Variants in DPP6 observed in about 807,000 individuals in gnomAD.
The protein encoded by DPP6 is A-type potassium channel modulatory protein DPP6.
DPP6 carries 69 observed loss-of-function variants against 122.6 expected under a neutral mutation model. The ratio of observed to expected loss-of-function variants is 0.56; its 90% CI spans 0.46 to 0.69. The LOEUF is 0.69. Ranked by LOEUF, DPP6 falls within the 30% of genes least tolerant of loss-of-function variation. DPP6 has a pLI of 0.00. For synonymous variants in DPP6, 418 were observed against 433.1 expected, an observed-to-expected ratio of 0.97 and a Z score of 0.43; for missense variants, 928 against 1,116.9, an observed-to-expected ratio of 0.83 and a Z score of 2.41.
rs570423452 is a variant in DPP6, at chr7:154,208,964, G to A, written c.243+155901G>A. ...AATATCAAAGAAACACATGCACATGGACACACACACTCAGAGCATTTTACA... is the reference window on the plus strand; with the variant it reads ...AATATCAAAGAAACACATGCACATGAACACACACACTCAGAGCATTTTACA... On this transcript the variant is annotated intron_variant, in intron 1 of 25. Coordinates refer to ENST00000377770, the MANE Select transcript of DPP6 (RefSeq NM_130797.4). Among the ~76,000 whole-genome samples the A allele has an allele frequency of 5.3e-5, 8 of 152,158 alleles. No individual in the cohort carries two copies. In the South Asian group the frequency reaches 1.7e-3, roughly 32 times the overall value.
chr7:153,916,897 C>T (rs761316983), intron 1 of DPP6, among the ~76,000 whole-genome samples: 5 of 152,152 alleles, frequency 3.3e-5, no homozygotes, highest in Non-Finnish European at 5.9e-5. Context: ...CTATTACTTA[C>T]CTCAATGGCT....
At chr7:154,870,696 C>T (rs1278049858) in intron 18 of DPP6, among the ~76,000 whole-genome samples, 1 of 151,902 alleles carries the variant, frequency 6.6e-6, no homozygotes, top group Non-Finnish European at 1.5e-5. Flanking sequence ...GTCACGGTGG[C>T]TCACGCCTGT....
rs144087257 is a variant in DPP6 at position 154,497,718 on chromosome 7, A to G, written c.457+22681A>G. On this transcript the variant is annotated intron_variant, in intron 3 of 25. Coordinates refer to ENST00000377770, the MANE Select transcript of DPP6 (RefSeq NM_130797.4). ...AAATAAAAAATTTTGAAAATAGAATAAATGTATGCCCATTTTTTAAAATTG... is the reference window on the plus strand; with the variant it reads ...AAATAAAAAATTTTGAAAATAGAATGAATGTATGCCCATTTTTTAAAATTG... Among the ~76,000 whole-genome samples, 150 of 152,322 alleles carry G rather than the reference A, an allele frequency of 9.8e-4. 5 individuals are homozygous for G. The East Asian group carries it at 0.023, about 23-fold the overall frequency.
intron 1 of DPP6, among the ~76,000 whole-genome samples, chr7:154,295,635 C>A (rs1174585484): frequency 6.6e-6 from 1 of 152,024 alleles, no homozygotes; most frequent in African/African-American, 2.4e-5. Flanking sequence ...CCTTCACTTC[C>A]TTTTTCCTTA....
chr7:154,708,099 A>G (rs1045984722), intron 7 of DPP6, among the ~76,000 whole-genome samples: 2 of 152,220 alleles, frequency 1.3e-5, no homozygotes, highest in African/African-American at 4.8e-5. Context: ...CACAGATTGA[A>G]TGTTGTGTTC....
chr7:154,107,142 C>T lies in DPP6; in HGVS notation c.243+54079C>T, dbSNP rs368259963. Among the ~76,000 whole-genome samples the T allele has an allele frequency of 6.4e-3, 976 of 152,268 alleles. 19 individuals are homozygous for T. Among genetic ancestry groups the T allele is most frequent in the African/African-American group, 0.023 (946 of 41,562 alleles). On this transcript the variant is annotated intron_variant, in intron 1 of 25. Transcript: ENST00000377770. ...AAAGAGACATCTGCACTCCCATGCTCACTGCAGCACTGTTCTGGATGGCCA... is the reference window on the plus strand; with the variant it reads ...AAAGAGACATCTGCACTCCCATGCTTACTGCAGCACTGTTCTGGATGGCCA...
intron 1 of DPP6, among the ~76,000 whole-genome samples, chr7:154,296,965 A>G (rs2150972923): frequency 6.6e-6 from 1 of 152,270 alleles, no homozygotes; most frequent in African/African-American, 2.4e-5. Flanking sequence ...AAGGAGATAC[A>G]TGCTGACAAG....
chr7:153,974,067 G>A (rs1482692706), intron 1 of DPP6, among the ~76,000 whole-genome samples: 2 of 152,052 alleles, frequency 1.3e-5, no homozygotes, highest in South Asian at 2.1e-4. Flanking sequence ...ATCTGCAAAG[G>A]ATCGGGCACA....
intron 16 of DPP6, among the ~76,000 whole-genome samples, chr7:154,816,671 T>G (rs1799446256): frequency 6.6e-6 from 1 of 152,236 alleles, no homozygotes; most frequent in Non-Finnish European, 1.5e-5. Flanking sequence ...TTCTTACACA[T>G]CCACTTGCTA....
intron 7 of DPP6, among the ~76,000 whole-genome samples, chr7:154,696,243 G>T (rs1018715179): frequency 1.3e-5 from 2 of 152,206 alleles, no homozygotes; most frequent in African/African-American, 4.8e-5. Flanking sequence ...AGCCACCCGG[G>T]CCCCTGGGTG....
At chr7:153,878,561 C>T in the DPP6 span, among the ~76,000 whole-genome samples, 1 of 152,122 alleles carries the variant, frequency 6.6e-6, no homozygotes, top group African/African-American at 2.4e-5. Context: ...GTTCAGAAGT[C>T]TCCCCAGCTA....
rs11978107 is a variant in DPP6, at chr7:153,984,276, G to A, written c.51+96542G>A. Among the ~76,000 whole-genome samples the A allele has an allele frequency of 1.8e-3, 270 of 152,178 alleles. 1 individual carries two copies. The highest frequency in any genetic ancestry group is 5.8e-3 in the African/African-American group (239 of 41,506). On this transcript the variant is annotated intron_variant, in intron 1 of 25. Coordinates refer to the DPP6 transcript ENST00000404039. Reference sequence around the variant, plus strand: ...TGTGTATATTAATATAAGAATTTCAGAAATTATGCAGTAATTTAAAAGTTC... The same window carrying A: ...TGTGTATATTAATATAAGAATTTCAAAAATTATGCAGTAATTTAAAAGTTC...
At chr7:154,056,725 G>C (rs1194904948) in intron 1 of DPP6, among the ~76,000 whole-genome samples, 2 of 152,086 alleles carry the variant, frequency 1.3e-5, no homozygotes, top group African/African-American at 4.8e-5. Flanking sequence ...CTATGTCTTC[G>C]GCAACCAACC....
chr7:153,919,430 G>A (rs1405992600), intron 1 of DPP6, among the ~76,000 whole-genome samples: 4 of 152,198 alleles, frequency 2.6e-5, no homozygotes, highest in Non-Finnish European at 5.9e-5. Flanking sequence ...CCTCATGCAT[G>A]TGAGTCCTTA....
At chr7:153,845,105 T>G in the DPP6 span, among the ~76,000 whole-genome samples, 1 of 152,328 alleles carries the variant, frequency 6.6e-6, no homozygotes, top group East Asian at 1.9e-4. Context: ...TGATCATCAA[T>G]GTAATAGACA....
At chr7:154,152,640 C>A (rs1796481049) in intron 1 of DPP6, among the ~76,000 whole-genome samples, 1 of 152,186 alleles carries the variant, frequency 6.6e-6, no homozygotes. Context: ...CCGGCAAAAC[C>A]TCTTAACTTC....
At chr7:154,116,822 G>C (rs911650908) in intron 1 of DPP6, among the ~76,000 whole-genome samples, 14 of 152,150 alleles carry the variant, frequency 9.2e-5, no homozygotes, top group African/African-American at 2.9e-4. Context: ...TAAAACATAG[G>C]GTAATACAAT....
At chr7:154,260,580 T>A (rs1802946495) in intron 1 of DPP6, among the ~76,000 whole-genome samples, 1 of 151,530 alleles carries the variant, frequency 6.6e-6, no homozygotes, top group African/African-American at 2.4e-5. Flanking sequence ...AGTTACTTCA[T>A]CTAGAATAAT....
chr7:153,893,951 T>C (rs1799306832), intron 1 of DPP6, among the ~76,000 whole-genome samples: 1 of 152,226 alleles, frequency 6.6e-6, no homozygotes. Flanking sequence ...GCAGGTTGTT[T>C]CAGCAGTTAC....
Sources: allele counts gnomAD v4.1 joint callset (sites outside exome capture counted in the v4.1 genomes callset), GRCh38; gene constraint gnomAD v4.1.1; transcripts MANE v1.5; gene names NCBI Gene and HGNC (gene_info 2026-07-23, HGNC 2026-07-21).